Variants in XRCC5 observed in about 807,000 individuals in gnomAD.
XRCC5 encodes DNA repair protein Ku80.
Under a neutral mutation model 95.7 loss-of-function variants are expected in XRCC5, and 12 were observed. The observed-to-expected ratio is 0.13, with a 90% CI of 0.08 to 0.20. XRCC5 has a LOEUF of 0.20. Among genes scored for constraint, XRCC5 ranks in the 10% least tolerant of loss-of-function variants. The probability of loss-of-function intolerance (pLI) is 1.00; values close to 1 mark genes in which losing one functional copy is unlikely to be tolerated. For synonymous variants in XRCC5, 281 were observed against 290.3 expected (o/e 0.97, Z 0.33); for missense variants, 595 against 873.9 (o/e 0.68, Z 4.02).
In XRCC5 at chr2:216,138,007, A is replaced by G. The variant is rs1032969609; in HGVS notation, c.1252-82A>G. On this transcript the variant is annotated intron_variant, in intron 11 of 20. Coordinates refer to ENST00000392132, the MANE Select transcript of XRCC5 (RefSeq NM_021141.4). ...ATTTTTGAAATATTTCTGTTATGCT[A>G]CTTTCACAGAATTTGGGATCAGTTT... 8.9e-5 allele frequency: 107 copies of G among 1,203,674 alleles called. 1 individual carries two copies. The South Asian group carries it at 1.4e-3, about 15-fold the overall frequency. The allele number at this position is 1,203,674 out of a possible 1,614,324, so 74.6% of individuals were successfully genotyped here. A position where few individuals can be genotyped will look rare whatever the true frequency, so the allele number is the denominator to read the frequency against.
intron 16 of XRCC5, among the ~76,000 whole-genome samples, chr2:216,181,826 C>A (rs1352184451): frequency 6.6e-6 from 1 of 152,094 alleles, no homozygotes; most frequent in Non-Finnish European, 1.5e-5. Flanking sequence ...TAAGTCTTAG[C>A]CCCATCAAAG....
At position 216,116,568 on chromosome 2, in the gene XRCC5, GGTCTGGTT is replaced by G. The variant is rs1448678746; in HGVS notation, c.136-87_136-80del. ...TGGCCCCAGGGACCTGCCATAGGGA[GGTCTGGTT>G]GTCCTGCTCCCTGAAGGTTAGGTAT... On this transcript the variant is annotated intron_variant, in intron 2 of 20. Coordinates refer to ENST00000392132, the MANE Select transcript of XRCC5 (RefSeq NM_021141.4). The G allele has an allele frequency of 6.2e-6, 9 of 1,458,764 alleles. No individual in the cohort carries two copies. The African/African-American group carries it at 7.0e-5, about 11-fold the overall frequency. 90.4% of individuals were successfully genotyped at this position (1,458,764 alleles called of 1,614,324 possible). A position where few individuals can be genotyped will look rare whatever the true frequency, so the allele number is the denominator to read the frequency against.
At chr2:216,124,299 T>G (rs1374703322) in intron 6 of XRCC5, among the ~76,000 whole-genome samples, 1 of 152,190 alleles carries the variant, frequency 6.6e-6, no homozygotes, top group East Asian at 1.9e-4. Context: ...CAGGCTGGAA[T>G]GCAGTGACGT....
At chr2:216,181,500 T>C (rs1187647845) in intron 16 of XRCC5, among the ~76,000 whole-genome samples, 1 of 152,176 alleles carries the variant, frequency 6.6e-6, no homozygotes, top group Non-Finnish European at 1.5e-5. Context: ...CTAATGCCCT[T>C]GCAGCATCGG....
chr2:216,130,015 C>T (rs1470877314), intron 8 of XRCC5, among the ~76,000 whole-genome samples: 2 of 152,118 alleles, frequency 1.3e-5, no homozygotes, highest in East Asian at 1.9e-4. Flanking sequence ...ATGTCATCAA[C>T]AGACTAACAG....
chr2:216,130,895 A>G lies in XRCC5; in HGVS notation c.958A>G (p.Ile320Val). The G allele has an allele frequency of 6.2e-7, 1 of 1,612,480 alleles. No homozygotes were observed. Among genetic ancestry groups the G allele is most frequent in the Non-Finnish European group, 8.5e-7 (1 of 1,179,414 alleles). ...IIQGFRYGSDIVPFSKVDEEQ... is the reference protein window; with the variant it reads ...IIQGFRYGSDVVPFSKVDEEQ... ...TCCAGGGTTCCGCTATGGAAGTGAT[A>G]TAGTTCCTTTCTCTAAAGTGGATGA... Residue 320 changes from isoleucine to valine, a missense_variant, in exon 9 of 21, where the codon ATA (isoleucine) becomes GTA (valine). Physicochemically the swap from Ile to Val is conservative, Grantham distance 29. Transcript: ENST00000392132.
chr2:216,135,223 G>A (rs1057073312), intron 10 of XRCC5, among the ~76,000 whole-genome samples: 6 of 152,194 alleles, frequency 3.9e-5, no homozygotes, highest in South Asian at 2.1e-4. Context: ...TCTGCAGAGA[G>A]AGAGAGAGAG....
intron 16 of XRCC5, among the ~76,000 whole-genome samples, chr2:216,187,857 T>TCTCTCTCTCTCC (rs1239439771): frequency 5.1e-4 from 60 of 117,194 alleles, no homozygotes; most frequent in Admixed American, 8.7e-4. Flanking sequence ...TCTCTCTCTC[T>TCTCTCTCTCTCC]CTCTCCCCGT....
At chr2:216,198,765 C>T (rs1689781157) in intron 19 of XRCC5, among the ~76,000 whole-genome samples, 1 of 152,114 alleles carries the variant, frequency 6.6e-6, no homozygotes, top group Non-Finnish European at 1.5e-5. Flanking sequence ...GTTGGCAAGG[C>T]TGTTCTCAAA....
At chr2:216,185,972 CAAA>C (rs1315038027) in intron 16 of XRCC5, among the ~76,000 whole-genome samples, 1 of 152,132 alleles carries the variant, frequency 6.6e-6, no homozygotes, top group Admixed American at 6.5e-5. Context: ...CTGACATTTG[CAAA>C]ATGTACAGCA....
rs1183668098 is a variant in XRCC5 at position 216,161,945 on chromosome 2, A to G, written c.1765-34A>G. ...TGGGGTGCTGCTAAAAAGAGAAATA[A>G]CCTGTAGGTTTATCATCTGTTGGTA... On this transcript the variant is annotated intron_variant, in intron 15 of 20. Transcript: ENST00000392132. The G allele has an allele frequency of 2.5e-6, 4 of 1,594,810 alleles. No homozygotes were observed. The African/African-American group carries it at 5.4e-5, about 21-fold the overall frequency.
chr2:216,116,908 T>G, intron 3 of XRCC5, 66 bp downstream of exon 3: 1 of 1,551,154 alleles, frequency 6.4e-7, no homozygotes, highest in Non-Finnish European at 8.8e-7. Flanking sequence ...TACAGCAGTT[T>G]GATGAGACAC....
chr2:216,202,662 A>G (rs561715815), intron 19 of XRCC5, among the ~76,000 whole-genome samples: 1 of 152,234 alleles, frequency 6.6e-6, no homozygotes, highest in Non-Finnish European at 1.5e-5. Context: ...ACAAAGAGCT[A>G]TGGAAAGATC....
intron 16 of XRCC5, among the ~76,000 whole-genome samples, chr2:216,187,861 TCCCCGTCTCCCTGTCTCTCC>T (rs1689535585): frequency 1.4e-4 from 16 of 116,228 alleles, no homozygotes; most frequent in African/African-American, 3.3e-4. Context: ...TCTCTCTCTC[TCCCCGTCTCCCTGTCTCTCC>T]CTCTCTCTCT....
intron 16 of XRCC5, among the ~76,000 whole-genome samples, chr2:216,171,496 A>G (rs1486716953): frequency 6.6e-6 from 1 of 152,196 alleles, no homozygotes; most frequent in Non-Finnish European, 1.5e-5. Flanking sequence ...GTTGGAGAAA[A>G]ATCTTCAGTT....
chr2:216,163,989 G>C (rs1344186623), intron 16 of XRCC5, among the ~76,000 whole-genome samples: 1 of 152,208 alleles, frequency 6.6e-6, no homozygotes, highest in African/African-American at 2.4e-5. Flanking sequence ...AAGGAGATCT[G>C]AAGTTCTAAG....
At chr2:216,159,750 A>T (rs765528222) in intron 14 of XRCC5, among the ~76,000 whole-genome samples, 17 of 152,188 alleles carry the variant, frequency 1.1e-4, no homozygotes, top group Non-Finnish European at 1.9e-4. Flanking sequence ...AATTTCCATT[A>T]TCTGTGCTTG....
At chr2:216,172,940 A>G (rs1034905047) in intron 16 of XRCC5, among the ~76,000 whole-genome samples, 1 of 152,152 alleles carries the variant, frequency 6.6e-6, no homozygotes, top group Non-Finnish European at 1.5e-5. Context: ...TATAGTTTTT[A>G]GTGTACAAGC....
At chr2:216,165,839 T>C (rs1689045999) in intron 16 of XRCC5, among the ~76,000 whole-genome samples, 1 of 152,208 alleles carries the variant, frequency 6.6e-6, no homozygotes, top group African/African-American at 2.4e-5. Context: ...GTAGTTACTT[T>C]TTCTCAGGCC....
Sources: allele counts gnomAD v4.1 joint callset (sites outside exome capture counted in the v4.1 genomes callset), GRCh38; gene constraint gnomAD v4.1.1; transcripts MANE v1.5; gene names NCBI Gene and HGNC (gene_info 2026-07-23, HGNC 2026-07-21).